ADAMTSL1: variants seen among roughly 807,000 people sequenced by gnomAD.
ADAMTSL1 encodes ADAMTS like 1, also known as ADAMTS-like protein 1.
ADAMTSL1 carries 126 observed loss-of-function variants against 201.8 expected under a neutral mutation model. The observed-to-expected ratio is 0.62, with a 90% CI of 0.54 to 0.72. The LOEUF (loss-of-function observed/expected upper bound fraction) is 0.72, where lower values mean the gene tolerates loss of function less well. Among genes scored for constraint, ADAMTSL1 ranks in the 30% least tolerant of loss-of-function variants. The pLI, the probability that ADAMTSL1 is intolerant of heterozygous loss-of-function variation, is 0.00. For missense variants in ADAMTSL1, 2,679 were observed against 2,277.8 expected (o/e 1.18, Z -3.59); for synonymous variants, 1,121 against 903.4 (o/e 1.24, Z -4.32).
At chr9:18,537,825 G>C (rs1269647245) in intron 3 of ADAMTSL1, among the ~76,000 whole-genome samples, 3 of 148,456 alleles carry the variant, frequency 2.0e-5, no homozygotes, top group African/African-American at 7.5e-5. Flanking sequence ...AGTGAGCCTT[G>C]TTTACACCAC....
At chr9:18,680,729 A>G (rs911684671) in intron 11 of ADAMTSL1, 14 of 569,206 alleles carry the variant, frequency 2.5e-5, no homozygotes, top group Admixed American at 6.2e-5. Flanking sequence ...AGTTTCTTCA[A>G]GAAGCCTCTA....
At chr9:18,337,781 G>T (rs1835304491) in intron 2 of ADAMTSL1, among the ~76,000 whole-genome samples, 1 of 152,094 alleles carries the variant, frequency 6.6e-6, no homozygotes, top group African/African-American at 2.4e-5. Context: ...AATTCCTTCT[G>T]GGTTATCCAC....
rs1020713396 is a variant in ADAMTSL1, at chr9:18,565,587, C to G, written c.238-8443C>G. Among the ~76,000 whole-genome samples, 3 of 146,236 alleles carry G rather than the reference C, an allele frequency of 2.1e-5. No homozygotes were observed. The South Asian group carries it at 6.5e-4, about 32-fold the overall frequency. ...AGTTATGAAAAAAAAAAAAAAAAAG[C>G]CTGTTGGCCTTTTCAAAAAGGAGGG... On this transcript the variant is annotated intron_variant, in intron 3 of 28. Transcript: ENST00000380548.
intron 4 of ADAMTSL1, among the ~76,000 whole-genome samples, chr9:18,578,306 T>C (rs529954813): frequency 6.6e-6 from 1 of 152,324 alleles, no homozygotes; most frequent in African/African-American, 2.4e-5. Flanking sequence ...ATTCTCCCCC[T>C]TTCTCTCCCT....
intron 1 of ADAMTSL1, among the ~76,000 whole-genome samples, chr9:18,157,445 A>C (rs989724556): frequency 2.6e-5 from 4 of 151,846 alleles, no homozygotes; most frequent in African/African-American, 9.7e-5. Flanking sequence ...AGGGTAATGG[A>C]GTTTCTTTTC....
At chr9:18,635,551 C>T (rs1014569434) in intron 5 of ADAMTSL1, among the ~76,000 whole-genome samples, 5 of 152,144 alleles carry the variant, frequency 3.3e-5, no homozygotes, top group Non-Finnish European at 4.4e-5. Context: ...AGATACTCTG[C>T]TGGAGAGAAG....
At chr9:18,320,395 A>G (rs1386153159) in intron 2 of ADAMTSL1, among the ~76,000 whole-genome samples, 1 of 152,214 alleles carries the variant, frequency 6.6e-6, no homozygotes, top group Non-Finnish European at 1.5e-5. Context: ...AAGTCCACAT[A>G]TAGTTCTATA....
chr9:18,043,575 C>T (rs1185404375), intron 1 of ADAMTSL1, among the ~76,000 whole-genome samples: 1 of 151,900 alleles, frequency 6.6e-6, no homozygotes, highest in Non-Finnish European at 1.5e-5. Flanking sequence ...CTAACCCCTA[C>T]CCCAGAGCCT....
chr9:17,988,567 T>C (rs1211724490), intron 1 of ADAMTSL1, among the ~76,000 whole-genome samples: 2 of 151,564 alleles, frequency 1.3e-5, no homozygotes, highest in Admixed American at 1.3e-4. Context: ...CTTTTCTTTT[T>C]TTTTTTTAAG....
intron 2 of ADAMTSL1, among the ~76,000 whole-genome samples, chr9:18,421,454 A>G (rs568704062): frequency 1.3e-5 from 2 of 152,338 alleles, no homozygotes; most frequent in South Asian, 4.1e-4. Flanking sequence ...CGATAGAGCC[A>G]GGATTCAAAC....
At chr9:18,410,276 G>A (rs759061331) in intron 2 of ADAMTSL1, among the ~76,000 whole-genome samples, 4 of 151,622 alleles carry the variant, frequency 2.6e-5, no homozygotes, top group Non-Finnish European at 4.4e-5. Context: ...GTAAACGTGT[G>A]CCATGGTGGT....
intron 1 of ADAMTSL1, among the ~76,000 whole-genome samples, chr9:18,126,222 A>T (rs558055580): frequency 6.6e-6 from 1 of 152,326 alleles, no homozygotes; most frequent in South Asian, 2.1e-4. Flanking sequence ...AAAAGTACAC[A>T]AATTGTAAGT....
intron 2 of ADAMTSL1, among the ~76,000 whole-genome samples, chr9:18,298,061 T>G (rs186072007): frequency 1.5e-3 from 228 of 152,314 alleles, no homozygotes; most frequent in African/African-American, 4.7e-3. Context: ...ACCCATTGTT[T>G]GTCAATTGGA....
At chr9:17,917,007 ATATGT>A (rs1376923132) in intron 1 of ADAMTSL1, among the ~76,000 whole-genome samples, 7 of 152,070 alleles carry the variant, frequency 4.6e-5, no homozygotes, top group African/African-American at 1.7e-4. Flanking sequence ...TTAATATTTC[ATATGT>A]TATGCTTTTT....
intron 2 of ADAMTSL1, among the ~76,000 whole-genome samples, chr9:18,328,298 C>T (rs1447200471): frequency 2.6e-5 from 4 of 152,160 alleles, no homozygotes; most frequent in African/African-American, 9.7e-5. Flanking sequence ...CTGGAGCTGC[C>T]TGTTATAACT....
intron 2 of ADAMTSL1, among the ~76,000 whole-genome samples, chr9:18,256,429 T>A (rs1244387832): frequency 1.3e-5 from 2 of 152,158 alleles, no homozygotes; most frequent in African/African-American, 4.8e-5. Flanking sequence ...GAATGCAAAG[T>A]ACAGTCCAAT....
intron 1 of ADAMTSL1, among the ~76,000 whole-genome samples, chr9:17,984,024 G>T (rs1039012873): frequency 7.9e-5 from 12 of 152,240 alleles, no homozygotes; most frequent in African/African-American, 2.9e-4. Context: ...AAATAAGTTA[G>T]ATTTAAGGAA....
rs766379106 is a variant in ADAMTSL1, at chr9:18,291,716, TTCTCTCTC to T, written c.207+127760_207+127767del. ...GCACATGCTCTCTCTCTCTCTCTCT[TTCTCTCTC>T]TCTCTCTCTCTCTCTCTCTCTCTCA... On this transcript the variant is annotated intron_variant, in intron 2 of 29. Coordinates refer to the ADAMTSL1 transcript ENST00000680146. Among the ~76,000 whole-genome samples the T allele has an allele frequency of 1.7e-3, 192 of 114,672 alleles. 1 individual carries two copies. Among genetic ancestry groups the T allele is most frequent in the African/African-American group, 5.3e-3 (162 of 30,538 alleles). 75.2% of individuals were successfully genotyped at this position (114,672 alleles called of 152,430 possible).
intron 2 of ADAMTSL1, among the ~76,000 whole-genome samples, chr9:18,450,981 C>A (rs569003079): frequency 5.3e-5 from 8 of 152,180 alleles, no homozygotes; most frequent in Non-Finnish European, 8.8e-5. Flanking sequence ...TCATTTAAAC[C>A]AGTATTTTGA....
Sources: gnomAD v4.1 joint callset for allele counts (sites outside exome capture counted in the v4.1 genomes callset) on GRCh38, gnomAD v4.1.1 for gene constraint, MANE v1.5 for transcripts, NCBI Gene and HGNC (gene_info 2026-07-23, HGNC 2026-07-21) for gene names.